The following FXN variants were observed in gnomAD, a reference collection of about 807,000 sequenced individuals.
FXN encodes the protein frataxin.
A neutral mutation model predicts 22.4 loss-of-function variants in FXN; 14 were observed. The observed-to-expected ratio is 0.62, with a 90% confidence interval of 0.41 to 0.98. FXN has a LOEUF of 0.98. FXN is among the 50% of genes least tolerant of loss of function. The pLI, the probability that FXN is intolerant of heterozygous loss-of-function variation, is 0.00. For missense variants in FXN, 267 were observed against 268.4 expected (o/e 0.99, Z 0.04); for synonymous variants, 120 against 114.1 (o/e 1.05, Z -0.33).
At chr9:69,044,421 C>T (rs927142541) in intron 1 of FXN, among the ~76,000 whole-genome samples, 1 of 151,998 alleles carries the variant, frequency 6.6e-6, no homozygotes, top group Admixed American at 6.6e-5. Context: ...CATCCACTGT[C>T]CCCCAGCCCG....
chr9:69,058,060 T>C (rs1464838014), intron 3 of FXN, among the ~76,000 whole-genome samples: 1 of 152,208 alleles, frequency 6.6e-6, no homozygotes, highest in Admixed American at 6.5e-5. Context: ...ATACACCTTT[T>C]ACCAACTCGC....
At position 69,073,252 on chromosome 9, in the gene FXN, C is replaced by T. The variant is rs544191450; in HGVS notation, c.*490C>T. On this transcript the variant is annotated 3_prime_UTR_variant, in exon 5 of 5. Coordinates refer to ENST00000484259, the MANE Select transcript of FXN (RefSeq NM_000144.5). ...TCAGGCTTCTTTCAAAGTGTAAGCA[C>T]TTCTGAGCTCTTTAGCATTGAAGTG... The T allele has an allele frequency of 9.8e-7, 1 of 1,025,542 alleles. No homozygotes were observed. The highest frequency in any genetic ancestry group is 5.1e-5 in the Admixed American group (1 of 19,718). 63.5% of individuals were successfully genotyped at this position (1,025,542 alleles called of 1,614,324 possible). A position where few individuals can be genotyped will look rare whatever the true frequency, so the allele number is the denominator to read the frequency against.
chr9:69,045,241 CAG>C (rs1554759775), intron 1 of FXN, among the ~76,000 whole-genome samples: 1 of 9,948 alleles, frequency 1.0e-4, no homozygotes, highest in Non-Finnish European at 9.5e-4. Flanking sequence ...TAGAGAGACA[CAG>C]GGAGAATCAC....
intron 1 of FXN, 43 bp downstream of exon 1, chr9:69,035,990 G>A (rs1041575104): frequency 4.4e-6 from 6 of 1,374,292 alleles, no homozygotes; most frequent in East Asian, 3.3e-5. Context: ...GCACGCCGCG[G>A]GCCGCACGCC....
rs1434745112 is a variant in FXN, at chr9:69,073,467, A to G, written c.*705A>G. The G allele has an allele frequency of 5.1e-6, 5 of 985,356 alleles. No individual in the cohort carries two copies. The highest frequency in any genetic ancestry group is 6.0e-6 in the Non-Finnish European group (5 of 829,990). The allele number at this position is 985,356 out of a possible 1,614,324, so 61.0% of individuals were successfully genotyped here. ...ATCAGCTGCTACAAGAATGCAAAAA[A>G]TCTTCCAAAGACAAGAAAAGAGGAA... On this transcript the variant is annotated 3_prime_UTR_variant, in exon 5 of 5. Transcript: ENST00000484259.
chr9:69,061,348 G>A (rs1832069172), intron 3 of FXN, among the ~76,000 whole-genome samples: 1 of 152,098 alleles, frequency 6.6e-6, no homozygotes, highest in South Asian at 2.1e-4. Flanking sequence ...AAGGCAGACA[G>A]GCGCCGCTCA....
intron 1 of FXN, among the ~76,000 whole-genome samples, chr9:69,037,406 C>A (rs1354940774): frequency 6.6e-6 from 1 of 151,916 alleles, no homozygotes; most frequent in Non-Finnish European, 1.5e-5. Context: ...GCAGAGGTTG[C>A]ATTAAGCCAA....
chr9:69,077,764 T>C lies in FXN; in HGVS notation c.*5002T>C. 1 of 660,866 alleles carries C rather than the reference T, an allele frequency of 1.5e-6. No homozygotes were observed. The allele number at this position is 660,866 out of a possible 1,614,324, so 40.9% of individuals were successfully genotyped here. A position where few individuals can be genotyped will look rare whatever the true frequency, so the allele number is the denominator to read the frequency against. On this transcript the variant is annotated 3_prime_UTR_variant, in exon 5 of 5. Coordinates refer to ENST00000484259, the MANE Select transcript of FXN (RefSeq NM_000144.5). Reference sequence around the variant, plus strand: ...GGTCAACATGGTAAAACCCCGCCTCTACTAAAAATACAAAAATTAGCTGGC... The same window carrying C: ...GGTCAACATGGTAAAACCCCGCCTCCACTAAAAATACAAAAATTAGCTGGC...
In FXN at chr9:69,077,019, A is replaced by G. The variant is rs12554971; in HGVS notation, c.*4257A>G. ...AACCTCCGCCTCCTGGGTTCAAGCA[A>G]TTCTCTGCCTCAGCCTCCCGAGTAG... On this transcript the variant is annotated 3_prime_UTR_variant, in exon 5 of 5. Coordinates refer to ENST00000484259, the MANE Select transcript of FXN (RefSeq NM_000144.5). 0.09 allele frequency: 54,473 copies of G among 606,598 alleles called. 2,928 individuals are homozygous for G. Among genetic ancestry groups the G allele is most frequent in the East Asian group, 0.23 (1,650 of 7,088 alleles). The allele number at this position is 606,598 out of a possible 1,614,324, so 37.6% of individuals were successfully genotyped here. A position where few individuals can be genotyped will look rare whatever the true frequency, so the allele number is the denominator to read the frequency against.
intron 4 of FXN, among the ~76,000 whole-genome samples, chr9:69,069,413 T>G (rs1030300229): frequency 1.3e-5 from 2 of 152,146 alleles, no homozygotes; most frequent in East Asian, 3.8e-4. Flanking sequence ...AAACAGGCCA[T>G]GAATGTTGGA....
intron 4 of FXN, 130 bp downstream of exon 4, chr9:69,065,165 C>T: frequency 1.4e-6 from 1 of 732,294 alleles, no homozygotes; most frequent in Non-Finnish European, 2.4e-6. Context: ...CTTTGAGAGG[C>T]TGAGGTAGGA....
In FXN at chr9:69,074,478, G is replaced by C; in HGVS notation, c.*1716G>C. On this transcript the variant is annotated 3_prime_UTR_variant, in exon 5 of 5. Transcript: ENST00000484259. ...GACCCCAGGCGGAGGAGGTTACAGT[G>C]AGTCGAGATCGTACCTGAGCGACAG... 1 of 980,722 alleles carries C rather than the reference G, an allele frequency of 1.0e-6. No homozygotes were observed. Among genetic ancestry groups the C allele is most frequent in the Non-Finnish European group, 1.2e-6 (1 of 826,326 alleles). 60.8% of individuals were successfully genotyped at this position (980,722 alleles called of 1,614,324 possible).
Position 69,053,161 on chromosome 9 carries a change from T to A in FXN, c.285T>A (p.Tyr95Ter), listed in dbSNP as rs372775073. The A allele has an allele frequency of 1.2e-6, 2 of 1,614,012 alleles. No individual in the cohort carries two copies. The highest frequency in any genetic ancestry group is 1.7e-5 in the Admixed American group (1 of 60,014). The change falls in exon 3 of 5, where the codon TAT (tyrosine) becomes TAA (stop). Residue 95 changes from tyrosine (Y) to a stop codon, truncating the protein, a stop_gained. Coordinates refer to ENST00000484259, the MANE Select transcript of FXN (RefSeq NM_000144.5). LOFTEE classifies it high-confidence loss of function. ...GHPGSLDETT[Y>*]ERLAEETLDS... ...GCAGCTCTCTAGATGAGACCACCTA[T>A]GAAAGACTAGCAGAGGAAACGCTGG... is the stretch of plus-strand genomic sequence containing the variant.
chr9:69,040,105 C>T (rs1349260338), intron 1 of FXN, among the ~76,000 whole-genome samples: 1 of 152,166 alleles, frequency 6.6e-6, no homozygotes, highest in Non-Finnish European at 1.5e-5. Flanking sequence ...AATTAAGTTT[C>T]AACATGAGTT....
At chr9:69,041,366 A>G (rs1374652529) in intron 1 of FXN, among the ~76,000 whole-genome samples, 1 of 152,188 alleles carries the variant, frequency 6.6e-6, no homozygotes, top group Non-Finnish European at 1.5e-5. Flanking sequence ...ACTGCTGGAT[A>G]GTATCTGGTT....
rs1832330070 is a variant in FXN at position 69,074,453 on chromosome 9, G to A, written c.*1691G>A. ...GGAGGCTGAGACGGGAGAATTGCTT[G>A]ACCCCAGGCGGAGGAGGTTACAGTG... On this transcript the variant is annotated 3_prime_UTR_variant, in exon 5 of 5. Coordinates refer to ENST00000484259, the MANE Select transcript of FXN (RefSeq NM_000144.5). 1.0e-6 allele frequency: 1 copy of A among 979,654 alleles called. No homozygotes were observed. Among genetic ancestry groups the A allele is most frequent in the African/African-American group, 1.8e-5 (1 of 56,928 alleles). The allele number at this position is 979,654 out of a possible 1,614,324, so 60.7% of individuals were successfully genotyped here. A position where few individuals can be genotyped will look rare whatever the true frequency, so the allele number is the denominator to read the frequency against.
chr9:69,068,776 G>A (rs185564318), intron 4 of FXN, among the ~76,000 whole-genome samples: 2,397 of 152,282 alleles, frequency 0.016, 24 homozygotes, highest in African/African-American at 0.034. Context: ...GTGGTCTTAC[G>A]TTGACCATGC....
chr9:69,078,570 C>T lies in FXN; in HGVS notation c.*5808C>T, dbSNP rs2133148622. On this transcript the variant is annotated 3_prime_UTR_variant, in exon 5 of 5. Coordinates refer to ENST00000484259, the MANE Select transcript of FXN (RefSeq NM_000144.5). ...TTCTTAGCCTGAAAAATGTGCTTTT[C>T]TGACTGAACTGTTCAGGCACTGACT... 1.0e-6 allele frequency: 1 copy of T among 985,618 alleles called. No individual in the cohort carries two copies. Among genetic ancestry groups the T allele is most frequent in the Non-Finnish European group, 1.2e-6 (1 of 829,946 alleles). 61.1% of individuals were successfully genotyped at this position (985,618 alleles called of 1,614,324 possible).
intron 1 of FXN, among the ~76,000 whole-genome samples, chr9:69,040,547 A>G (rs968696701): frequency 1.3e-5 from 2 of 152,132 alleles, no homozygotes; most frequent in Non-Finnish European, 2.9e-5. Context: ...GGGTGCCTGT[A>G]GTCCCCACTA....
Sources: allele counts gnomAD v4.1 joint callset (sites outside exome capture counted in the v4.1 genomes callset), GRCh38; gene constraint gnomAD v4.1.1; transcripts MANE v1.5; gene names NCBI Gene and HGNC (gene_info 2026-07-23, HGNC 2026-07-21).